The following COL24A1 variants were observed in gnomAD, a reference collection of about 807,000 sequenced individuals.
COL24A1 encodes the protein collagen alpha-1(XXIV) chain.
Under a neutral mutation model 253.9 loss-of-function variants are expected in COL24A1, and 224 were observed. The ratio of observed to expected loss-of-function variants is 0.88; its 90% CI spans 0.79 to 0.99. COL24A1 has a LOEUF of 0.99. Among genes scored for constraint, COL24A1 ranks in the 50% least tolerant of loss-of-function variants. The pLI is 0.00. For missense variants in COL24A1, 2,131 were observed against 2,068.5 expected (o/e 1.03, Z -0.59); for synonymous variants, 685 against 673.7 (o/e 1.02, Z -0.26).
intron 6 of COL24A1, among the ~76,000 whole-genome samples, chr1:86,090,157 C>T (rs1345340458): frequency 1.3e-5 from 2 of 152,146 alleles, no homozygotes; most frequent in Non-Finnish European, 2.9e-5. Flanking sequence ...TTAGCGCTAC[C>T]TTTTTTACAT....
Position 86,043,522 on chromosome 1 carries a change from T to A in COL24A1, c.1950+3303A>T, listed in dbSNP as rs1258536290. Among the ~76,000 whole-genome samples the A allele has an allele frequency of 3.3e-5, 5 of 152,104 alleles. No homozygotes were observed. The South Asian group carries it at 6.2e-4, about 19-fold the overall frequency. On this transcript the variant is annotated intron_variant, in intron 12 of 59. Coordinates refer to ENST00000370571, the MANE Select transcript of COL24A1 (RefSeq NM_152890.7). ...AACATCAATCCAAACTTCTTCTTTT[T>A]ATTTTTATTTTTCATTTTTTTTTTG...
chr1:85,887,332 C>T (rs1041245312), intron 32 of COL24A1, among the ~76,000 whole-genome samples: 1 of 151,996 alleles, frequency 6.6e-6, no homozygotes, highest in Admixed American at 6.6e-5. Flanking sequence ...TCACCATTCT[C>T]CTCTTATTGA....
intron 12 of COL24A1, among the ~76,000 whole-genome samples, chr1:86,043,505 T>C (rs1016189808): frequency 2.8e-4 from 43 of 152,008 alleles, no homozygotes; most frequent in African/African-American, 1.0e-3. Context: ...GAAACATCAA[T>C]CCAAACTTCT....
intron 19 of COL24A1, among the ~76,000 whole-genome samples, chr1:86,004,522 T>C (rs1379415394): frequency 6.6e-6 from 1 of 152,118 alleles, no homozygotes; most frequent in Non-Finnish European, 1.5e-5. Context: ...AAGAAAATAA[T>C]GTGAAAAAAT....
At chr1:86,028,048 C>T (rs1698216065) in intron 14 of COL24A1, among the ~76,000 whole-genome samples, 2 of 152,008 alleles carry the variant, frequency 1.3e-5, no homozygotes, top group Non-Finnish European at 2.9e-5. Flanking sequence ...TTTGTTTTGG[C>T]CAATATCTCC....
At chr1:85,930,075 A>C (rs1295218276) in intron 24 of COL24A1, among the ~76,000 whole-genome samples, 7 of 70,948 alleles carry the variant, frequency 9.9e-5, no homozygotes, top group Non-Finnish European at 1.9e-4. Context: ...GCAAGAAATA[A>C]CTAAAATCAG....
chr1:85,736,621 G>C (rs551694498), intron 58 of COL24A1: 2 of 394,368 alleles, frequency 5.1e-6, no homozygotes, highest in African/African-American at 4.2e-5. Flanking sequence ...GGAGGAGAGG[G>C]CGGTTCAATA....
chr1:85,757,019 C>A (rs1666337238), intron 55 of COL24A1, among the ~76,000 whole-genome samples: 1 of 152,070 alleles, frequency 6.6e-6, no homozygotes, highest in African/African-American at 2.4e-5. Flanking sequence ...TTCATAGAGA[C>A]AGAAAGTAGA....
chr1:86,112,670 C>G, intron 4 of COL24A1, 50 bp from the exon 5 acceptor site: 2 of 1,532,258 alleles, frequency 1.3e-6, no homozygotes, highest in Non-Finnish European at 1.8e-6. Context: ...TGGAATGGAA[C>G]AAAGTACAAT....
chr1:85,745,313 T>C lies in COL24A1; in HGVS notation c.4503+128A>G. On this transcript the variant is annotated intron_variant, in intron 56 of 59. Transcript: ENST00000370571. ...TCACTTACTTTGTTCTTGAGAATGG[T>C]TTCACATTTTCAATCTGTTTTAAAT... 3 of 520,260 alleles carry C rather than the reference T, an allele frequency of 5.8e-6. No individual in the cohort carries two copies. In the Admixed American group the frequency reaches 1.1e-4, roughly 20 times the overall value. 32.2% of individuals were successfully genotyped at this position (520,260 alleles called of 1,614,324 possible).
intron 20 of COL24A1, among the ~76,000 whole-genome samples, chr1:85,974,042 C>T (rs1692426918): frequency 6.6e-6 from 1 of 151,972 alleles, no homozygotes; most frequent in Non-Finnish European, 1.5e-5. Flanking sequence ...GATATAAAAA[C>T]CATCATTTTT....
chr1:85,737,495 C>T lies in COL24A1; in HGVS notation c.4683G>A (p.Trp1561Ter). The stretch of plus-strand genomic sequence containing the variant: ...AAGGACAGCCAAGATTTGGGTCAAT[C>T]CAGTATTTTCCTAATAATTTATAGT... ...CEQKVSDGKY[W>*]IDPNLGCPSD... Residue 1561 changes from tryptophan to a stop codon, truncating the protein, a stop_gained, in exon 58 of 60, where the codon TGG (tryptophan) becomes TGA (stop). Transcript: ENST00000370571. LOFTEE classifies it high-confidence loss of function. 6.2e-7 allele frequency: 1 copy of T among 1,603,102 alleles called. No individual in the cohort carries two copies. Among genetic ancestry groups the T allele is most frequent in the Middle Eastern group, 1.7e-4 (1 of 6,038 alleles).
intron 19 of COL24A1, among the ~76,000 whole-genome samples, chr1:86,006,609 A>G (rs1177732921): frequency 1.3e-5 from 2 of 152,190 alleles, no homozygotes; most frequent in Non-Finnish European, 2.9e-5. Flanking sequence ...TGTTGTTTTT[A>G]GAAACAACAC....
At chr1:85,997,055 G>GTATATATATATATATATATATA (rs59071699) in intron 19 of COL24A1, among the ~76,000 whole-genome samples, 43 of 94,948 alleles carry the variant, frequency 4.5e-4, no homozygotes, top group Non-Finnish European at 7.1e-4. Context: ...GTGTGTGTGT[G>GTATATATATATATATATATATA]TATATATATA....
At chr1:85,971,007 G>T (rs534377488) in intron 21 of COL24A1, among the ~76,000 whole-genome samples, 2 of 152,154 alleles carry the variant, frequency 1.3e-5, no homozygotes, top group Non-Finnish European at 2.9e-5. Context: ...GAGGCCAGAA[G>T]TTCGGCCAGC....
intron 35 of COL24A1, 102 bp downstream of exon 35, chr1:85,874,547 G>T: frequency 9.9e-7 from 1 of 1,006,752 alleles, no homozygotes; most frequent in Non-Finnish European, 1.5e-6. Flanking sequence ...TAATGTATCA[G>T]AAAGGTTTAT....
chr1:85,946,235 C>T (rs947444682), intron 24 of COL24A1, among the ~76,000 whole-genome samples: 3 of 152,076 alleles, frequency 2.0e-5, no homozygotes, highest in Admixed American at 1.3e-4. Flanking sequence ...AGCTCACTTC[C>T]GAGTTGAGGG....
chr1:85,837,136 G>A (rs766843160), intron 43 of COL24A1, among the ~76,000 whole-genome samples: 2 of 152,062 alleles, frequency 1.3e-5, no homozygotes, highest in South Asian at 2.1e-4. Context: ...TTCTCAACTC[G>A]GAGAAAAGTA....
chr1:85,950,586 T>G (rs972396816), intron 24 of COL24A1, among the ~76,000 whole-genome samples: 2 of 152,156 alleles, frequency 1.3e-5, no homozygotes, highest in Admixed American at 1.3e-4. Context: ...AAGTTTTAAC[T>G]TTACTAAAAA....
Sources: allele counts gnomAD v4.1 joint callset (sites outside exome capture counted in the v4.1 genomes callset), GRCh38; gene constraint gnomAD v4.1.1; transcripts MANE v1.5; gene names NCBI Gene and HGNC (gene_info 2026-07-23, HGNC 2026-07-21).